PTPRN2: variants seen among roughly 807,000 people sequenced by gnomAD.
PTPRN2 encodes the protein receptor-type tyrosine-protein phosphatase N2.
Under a neutral mutation model 118.8 loss-of-function variants are expected in PTPRN2, and 74 were observed. The ratio of observed to expected loss-of-function variants is 0.62; its 90% CI spans 0.52 to 0.76. PTPRN2 has a LOEUF of 0.76. PTPRN2 is among the 30% of genes least tolerant of loss of function. PTPRN2 has a pLI of 0.00. For synonymous variants in PTPRN2, 641 were observed against 608.0 expected (o/e 1.05, Z -0.80); for missense variants, 1,481 against 1,394.4 (o/e 1.06, Z -0.99).
chr7:158,085,327 C>T (rs1204929688), intron 10 of PTPRN2, among the ~76,000 whole-genome samples: 2 of 122,900 alleles, frequency 1.6e-5, no homozygotes, highest in Admixed American at 1.6e-4. Context: ...CCCATTCACA[C>T]ATGCCCATCC....
chr7:158,313,619 C>A (rs564024054), intron 3 of PTPRN2, among the ~76,000 whole-genome samples: 1 of 152,278 alleles, frequency 6.6e-6, no homozygotes, highest in South Asian at 2.1e-4. Flanking sequence ...ACCCCCCTAT[C>A]CCCATGTGGG....
At chr7:158,118,827 C>T (rs752595451) in intron 9 of PTPRN2, among the ~76,000 whole-genome samples, 11 of 152,142 alleles carry the variant, frequency 7.2e-5, no homozygotes, top group African/African-American at 1.2e-4. Flanking sequence ...CTCAGCCTTC[C>T]CATTTGCTGA....
intron 3 of PTPRN2, among the ~76,000 whole-genome samples, chr7:158,235,727 A>G (rs1393900013): frequency 6.6e-6 from 1 of 152,236 alleles, no homozygotes; most frequent in Non-Finnish European, 1.5e-5. Context: ...AAATTAGCCA[A>G]AAGAGAACAG....
At chr7:157,761,930 G>A (rs543194153) in intron 12 of PTPRN2, among the ~76,000 whole-genome samples, 58 of 152,272 alleles carry the variant, frequency 3.8e-4, no homozygotes, top group South Asian at 3.3e-3. Flanking sequence ...AAAAGTGGGC[G>A]AAGAACATGA....
At chr7:158,005,573 A>G (rs1183876853) in intron 11 of PTPRN2, among the ~76,000 whole-genome samples, 2 of 152,230 alleles carry the variant, frequency 1.3e-5, no homozygotes, top group African/African-American at 4.8e-5. Context: ...TATGCACAAA[A>G]TAAGATTAGC....
chr7:157,622,435 C>T lies in PTPRN2; in HGVS notation c.2197-926G>A, dbSNP rs941241757. Among the ~76,000 whole-genome samples, 2 of 152,186 alleles carry T rather than the reference C, an allele frequency of 1.3e-5. No homozygotes were observed. Among genetic ancestry groups the T allele is most frequent in the African/African-American group, 4.8e-5 (2 of 41,450 alleles). ...TTCTCACCTTCTGCCCACCCCCTGA[C>T]ATCCCCTTCGATTGATCCGAGGAGC... is the stretch of plus-strand genomic sequence containing the variant. On this transcript the variant is annotated intron_variant, in intron 14 of 22. Coordinates refer to ENST00000389418, the MANE Select transcript of PTPRN2 (RefSeq NM_002847.5). This position sits in a 1 kb window ranked among gnomAD's most constrained non-coding sequence, Gnocchi z 5.3.
chr7:157,646,381 G>A (rs986111463), intron 14 of PTPRN2, among the ~76,000 whole-genome samples: 1 of 152,102 alleles, frequency 6.6e-6, no homozygotes, highest in African/African-American at 2.4e-5. Flanking sequence ...CCTGCCATGT[G>A]ACGTCTTGGC....
At chr7:157,599,704 C>T (rs79544295) in intron 16 of PTPRN2, among the ~76,000 whole-genome samples, 44 of 152,322 alleles carry the variant, frequency 2.9e-4, no homozygotes, top group African/African-American at 9.4e-4. Context: ...AAACCAGCCC[C>T]GGCCTCTGGC....
At chr7:157,678,851 G>C (rs758935402) in intron 13 of PTPRN2, among the ~76,000 whole-genome samples, 5 of 152,112 alleles carry the variant, frequency 3.3e-5, no homozygotes, top group Non-Finnish European at 7.3e-5. Context: ...TACTAAACTT[G>C]CTGCTCAAAG....
intron 1 of PTPRN2, among the ~76,000 whole-genome samples, chr7:158,569,420 T>C (rs553789658): frequency 6.6e-6 from 1 of 152,344 alleles, no homozygotes; most frequent in African/African-American, 2.4e-5. Flanking sequence ...ATGCGCCCGC[T>C]TGGGCGGACG....
chr7:157,575,150 C>T (rs565111233), intron 19 of PTPRN2, among the ~76,000 whole-genome samples: 48 of 152,308 alleles, frequency 3.2e-4, no homozygotes, highest in African/African-American at 1.1e-3. Flanking sequence ...TATGCATATA[C>T]GTGCAAACAC....
intron 12 of PTPRN2, among the ~76,000 whole-genome samples, chr7:157,699,948 G>A (rs544931488): frequency 6.6e-6 from 1 of 152,308 alleles, no homozygotes; most frequent in Non-Finnish European, 1.5e-5. Context: ...GTGCTGTCAG[G>A]TACTGAGACC....
intron 3 of PTPRN2, among the ~76,000 whole-genome samples, chr7:158,270,356 G>A (rs967902727): frequency 6.6e-6 from 1 of 152,178 alleles, no homozygotes; most frequent in African/African-American, 2.4e-5. Flanking sequence ...TGGGAGCACA[G>A]GCATGGTTCT....
intron 5 of PTPRN2, among the ~76,000 whole-genome samples, chr7:158,180,910 T>G (rs760075680): frequency 6.6e-6 from 1 of 152,218 alleles, no homozygotes; most frequent in Non-Finnish European, 1.5e-5. Flanking sequence ...CTTCCTCTTT[T>G]CCATTTTGGA....
intron 2 of PTPRN2, among the ~76,000 whole-genome samples, chr7:158,340,578 G>C (rs1265339633): frequency 1.7e-5 from 2 of 117,704 alleles, no homozygotes; most frequent in African/African-American, 3.1e-5. Context: ...CTCACCATAA[G>C]AGCCGACGCC....
intron 12 of PTPRN2, among the ~76,000 whole-genome samples, chr7:157,733,238 T>C (rs371332263): frequency 3.2e-4 from 7 of 22,196 alleles, no homozygotes; most frequent in South Asian, 2.8e-3. Flanking sequence ...GCACAGTTAC[T>C]CTTTTCCGTC....
At chr7:158,245,901 G>A (rs1214685794) in intron 3 of PTPRN2, among the ~76,000 whole-genome samples, 3 of 152,058 alleles carry the variant, frequency 2.0e-5, no homozygotes, top group East Asian at 3.9e-4. Context: ...CAGGCATGGA[G>A]CTGGACATCA....
At chr7:158,475,450 G>A (rs1820183113) in intron 2 of PTPRN2, among the ~76,000 whole-genome samples, 1 of 152,100 alleles carries the variant, frequency 6.6e-6, no homozygotes, top group Admixed American at 6.5e-5. Context: ...AGGTGACCTT[G>A]TGCACGCTTC....
intron 2 of PTPRN2, among the ~76,000 whole-genome samples, chr7:158,357,074 A>G (rs981789966): frequency 6.6e-6 from 1 of 152,250 alleles, no homozygotes; most frequent in African/African-American, 2.4e-5. Context: ...AACATCTCCA[A>G]TTCCGAAATT....
Sources: allele counts gnomAD v4.1 joint callset (sites outside exome capture counted in the v4.1 genomes callset), GRCh38; gene constraint gnomAD v4.1.1; non-coding constraint Gnocchi (gnomAD v3.1); transcripts MANE v1.5; gene names NCBI Gene and HGNC (gene_info 2026-07-23, HGNC 2026-07-21).